The following KCNH2 variants were observed in gnomAD, a reference collection of about 807,000 sequenced individuals.
The protein encoded by KCNH2 is voltage-gated inwardly rectifying potassium channel KCNH2.
In KCNH2, 35 loss-of-function variants were observed where a neutral mutation model predicts 95.9. The ratio of observed to expected loss-of-function variants is 0.37; its 90% CI spans 0.28 to 0.48. KCNH2 has a LOEUF of 0.48. KCNH2 is among the 20% of genes least tolerant of loss of function. KCNH2 has a pLI of 0.99. For synonymous variants in KCNH2, 786 were observed against 754.7 expected (o/e 1.04, Z -0.68); for missense variants, 1,274 against 1,702.9 (o/e 0.75, Z 4.43).
In KCNH2 at chr7:150,949,055, G is replaced by A. The variant is rs752409459; in HGVS notation, c.2399-6C>T. ...CCCAAAGATGTCATTCTTCCCTGGA[G>A]GCCATGGAGAGGACAGGGAGCTCAG... is the stretch of plus-strand genomic sequence containing the variant. On this transcript the variant is annotated splice_region_variant and splice_polypyrimidine_tract_variant and intron_variant, in intron 9 of 14. Transcript: ENST00000262186. 17 of 1,613,330 alleles carry A rather than the reference G, an allele frequency of 1.1e-5. No homozygotes were observed. Among genetic ancestry groups the A allele is most frequent in the Admixed American group, 3.3e-5 (2 of 59,984 alleles).
At position 150,958,191 on chromosome 7, in the gene KCNH2, C is replaced by T; in HGVS notation, c.784G>A (p.Gly262Ser). The T allele has an allele frequency of 8.1e-6, 11 of 1,360,582 alleles. No homozygotes were observed. The highest frequency in any genetic ancestry group is 1.0e-5 in the Non-Finnish European group (11 of 1,059,248). The allele number at this position is 1,360,582 out of a possible 1,614,324, so 84.3% of individuals were successfully genotyped here. The change falls in exon 4 of 15, where the codon GGC (glycine) becomes AGC (serine). Residue 262 changes from glycine (G) to serine (S), a missense_variant. Gly to Ser is a moderately conservative substitution (Grantham distance 56). Coordinates refer to ENST00000262186, the MANE Select transcript of KCNH2 (RefSeq NM_000238.4). ...RAHSLNPDAS[G>S]SSCSLARTRS... ...GTCCGGGCCAGGCTGCAGCTGGAGC[C>T]CGAGGCGTCGGGGTTGAGGCTGTGC...
rs41314393 is a variant in KCNH2, at chr7:150,955,521, G to A, written c.1128+1770C>T. The stretch of plus-strand genomic sequence containing the variant: ...GCCGCCATGGAGGACTTGGCTCCCT[G>A]CAGCCTGCCTGCCCTGGGGCCTGAG... On this transcript the variant is annotated intron_variant, in intron 5 of 14. Transcript: ENST00000262186. 32 of 1,537,930 alleles carry A rather than the reference G, an allele frequency of 2.1e-5. No individual in the cohort carries two copies. In the African/African-American group the frequency reaches 4.0e-4, roughly 19 times the overall value.
At chr7:150,954,586 C>T (rs550851596) in intron 5 of KCNH2, among the ~76,000 whole-genome samples, 3 of 152,368 alleles carry the variant, frequency 2.0e-5, no homozygotes, top group East Asian at 3.9e-4. Context: ...CTGAAGCTGG[C>T]TTGCTTAAGC....
At chr7:150,950,145 A>AGGGGGGGGGGGGGGGGGGCG in intron 9 of KCNH2, 23 bp downstream of exon 9, 1 of 1,424,934 alleles carries the variant, frequency 7.0e-7, no homozygotes, top group Non-Finnish European at 9.7e-7. Flanking sequence ...TTTCCAGTCC[A>AGGGGGGGGGGGGGGGGGGCG]GTGCCCGCCC....
In KCNH2 at chr7:150,951,305, C is replaced by T. The variant is rs181086490; in HGVS notation, c.1945+143G>A. 1.7e-4 allele frequency: 196 copies of T among 1,181,546 alleles called. No homozygotes were observed. In the East Asian group the frequency reaches 4.6e-3, roughly 28 times the overall value. 73.2% of individuals were successfully genotyped at this position (1,181,546 alleles called of 1,614,324 possible). A position where few individuals can be genotyped will look rare whatever the true frequency, so the allele number is the denominator to read the frequency against. The stretch of plus-strand genomic sequence containing the variant: ...AGTAGTCCCCGCCCTGGTGACCCAG[C>T]CCCCAAACCATGTCACGATGGTGGC... On this transcript the variant is annotated intron_variant, in intron 7 of 14. Coordinates refer to ENST00000262186, the MANE Select transcript of KCNH2 (RefSeq NM_000238.4).
rs922238774 is a variant in KCNH2 at position 150,946,450 on chromosome 7, G to A, written c.3330+427C>T. 4.6e-5 allele frequency among the ~76,000 whole-genome samples: 7 copies of A among 152,210 alleles called. No homozygotes were observed. The highest frequency in any genetic ancestry group is 1.9e-4 in the East Asian group (1 of 5,190). On this transcript the variant is annotated intron_variant, in intron 14 of 14. Coordinates refer to ENST00000262186, the MANE Select transcript of KCNH2 (RefSeq NM_000238.4). This position sits in a 1 kb window ranked among gnomAD's most constrained non-coding sequence, Gnocchi z 6.5. ...GGAGTGTCACTCACAGAAGGGACCC[G>A]GGACCCTGTCCCTAGATACTCTGGT... is the stretch of plus-strand genomic sequence containing the variant.
In KCNH2 at chr7:150,951,435, T is replaced by G; in HGVS notation, c.1945+13A>C. ...GTGGGCTCTCCCCGCCGCCCGCCCC[T>G]GGGCACACTCACAGCCAATGAGCAT... On this transcript the variant is annotated intron_variant, in intron 7 of 14. Coordinates refer to ENST00000262186, the MANE Select transcript of KCNH2 (RefSeq NM_000238.4). The G allele has an allele frequency of 6.2e-7, 1 of 1,613,766 alleles. No individual in the cohort carries two copies. Among genetic ancestry groups the G allele is most frequent in the Non-Finnish European group, 8.5e-7 (1 of 1,180,024 alleles).
intron 4 of KCNH2, 56 bp from the exon 5 acceptor site, chr7:150,957,558 G>A (rs1801419306): frequency 7.4e-7 from 1 of 1,347,042 alleles, no homozygotes; most frequent in East Asian, 2.3e-5. Flanking sequence ...GGCCAGGCAG[G>A]CCACCCATAG....
chr7:150,948,333 A>AG (rs1320524114), intron 11 of KCNH2, 111 bp downstream of exon 11: 3 of 855,128 alleles, frequency 3.5e-6, no homozygotes, highest in Non-Finnish European at 5.7e-6. Flanking sequence ...CACTGGAGGA[A>AG]GGGATGGGAA....
chr7:150,974,951 C>A lies in KCNH2; in HGVS notation c.77-10G>T. On this transcript the variant is annotated splice_polypyrimidine_tract_variant and intron_variant, in intron 1 of 14. Coordinates refer to ENST00000262186, the MANE Select transcript of KCNH2 (RefSeq NM_000238.4). ...ATGATGAACTTACGGCCTAGGGGGG[C>A]GGGGAGGAGAGTGCGCGTGAGCGGG... 6.3e-7 allele frequency: 1 copy of A among 1,581,172 alleles called. No homozygotes were observed. Among genetic ancestry groups the A allele is most frequent in the Non-Finnish European group, 8.6e-7 (1 of 1,164,692 alleles).
rs1801592091 is a variant in KCNH2 at position 150,962,488 on chromosome 7, A to G, written c.308-2752T>C. Among the ~76,000 whole-genome samples the G allele has an allele frequency of 6.6e-6, 1 of 152,168 alleles. No homozygotes were observed. The highest frequency in any genetic ancestry group is 1.5e-5 in the Non-Finnish European group (1 of 68,032). On this transcript the variant is annotated intron_variant, in intron 2 of 14. Coordinates refer to ENST00000262186, the MANE Select transcript of KCNH2 (RefSeq NM_000238.4). This position sits in a 1 kb window ranked among gnomAD's most constrained non-coding sequence, Gnocchi z 5.7. ...TTCAGCTCAAGCTGCTCAGCAAGAC[A>G]GCCCAGAATGGCATTCTGAAGCCCA...
chr7:150,951,381 C>T, intron 7 of KCNH2, 67 bp downstream of exon 7: 1 of 1,595,468 alleles, frequency 6.3e-7, no homozygotes. Flanking sequence ...CTAGCAGCCT[C>T]AGTTTCCTCC....
At chr7:150,951,893 G>A (rs1584855146) in intron 6 of KCNH2, 58 bp from the exon 7 acceptor site, 3 of 1,484,864 alleles carry the variant, frequency 2.0e-6, no homozygotes, top group East Asian at 4.6e-5. Flanking sequence ...AAGGGAGGAG[G>A]GGAGGTGCTG....
intron 2 of KCNH2, among the ~76,000 whole-genome samples, chr7:150,963,755 A>C (rs916939825): frequency 3.3e-5 from 5 of 152,206 alleles, no homozygotes; most frequent in African/African-American, 1.2e-4. Context: ...ATGGCTCCTT[A>C]GAACCCCCGT....
At chr7:150,967,005 C>T (rs1228907656) in intron 2 of KCNH2, among the ~76,000 whole-genome samples, 1 of 152,234 alleles carries the variant, frequency 6.6e-6, no homozygotes, top group Non-Finnish European at 1.5e-5. Flanking sequence ...GGAGGCCAGG[C>T]GCGGTGGCTC....
intron 5 of KCNH2, among the ~76,000 whole-genome samples, chr7:150,954,380 G>A (rs1296713740): frequency 6.6e-6 from 1 of 152,182 alleles, no homozygotes; most frequent in African/African-American, 2.4e-5. Flanking sequence ...GCCTCTGGGC[G>A]GAGGTGTCAG....
At chr7:150,964,631 G>A (rs1329654101) in intron 2 of KCNH2, among the ~76,000 whole-genome samples, 1 of 152,220 alleles carries the variant, frequency 6.6e-6, no homozygotes, top group Non-Finnish European at 1.5e-5. Context: ...TTCTAACAAG[G>A]CGGGGTGCTG....
chr7:150,974,662 C>G, intron 2 of KCNH2, 49 bp downstream of exon 2: 2 of 1,449,178 alleles, frequency 1.4e-6, no homozygotes, highest in Non-Finnish European at 1.9e-6. Flanking sequence ...GTGGTCCCGC[C>G]CCTCTTGACC....
chr7:150,975,616 C>T (rs567529500), intron 1 of KCNH2, among the ~76,000 whole-genome samples: 1 of 152,334 alleles, frequency 6.6e-6, no homozygotes, highest in South Asian at 2.1e-4. Flanking sequence ...CCTCTGACAA[C>T]CCCATAAGGT....
Sources: gnomAD v4.1 joint callset for allele counts (sites outside exome capture counted in the v4.1 genomes callset) on GRCh38, gnomAD v4.1.1 for gene constraint, Gnocchi (gnomAD v3.1) non-coding constraint, MANE v1.5 for transcripts, NCBI Gene and HGNC (gene_info 2026-07-23, HGNC 2026-07-21) for gene names.